RFC3: variants seen among roughly 807,000 people sequenced by gnomAD.
The protein encoded by RFC3 is A1 38 kDa subunit.
RFC3 carries 41 observed loss-of-function variants against 45.1 expected under a neutral mutation model. That is an observed-to-expected ratio of 0.91 (90% CI 0.71 to 1.18). The LOEUF (loss-of-function observed/expected upper bound fraction) is 1.18, where lower values mean the gene tolerates loss of function less well. Among genes scored for constraint, RFC3 ranks in the 50% most tolerant of loss-of-function variants. The probability of loss-of-function intolerance (pLI) is 0.00; values close to 1 mark genes in which losing one functional copy is unlikely to be tolerated. For synonymous variants in RFC3, 149 were observed against 144.0 expected, an observed-to-expected ratio of 1.03 and a Z score of -0.25; for missense variants, 423 against 428.1, an observed-to-expected ratio of 0.99 and a Z score of 0.10.
At chr13:33,908,038 G>T (rs531710974) in intron 8 of RFC3, among the ~76,000 whole-genome samples, 11 of 151,688 alleles carry the variant, frequency 7.3e-5, no homozygotes, top group African/African-American at 2.7e-4. Flanking sequence ...AGAATTCTAG[G>T]TAATAAAATT....
chr13:33,920,054 C>A (rs2082758257), intron 8 of RFC3, among the ~76,000 whole-genome samples: 1 of 152,142 alleles, frequency 6.6e-6, no homozygotes, highest in South Asian at 2.1e-4. Context: ...CCTAATCAAC[C>A]TTCCCTTCTG....
chr13:33,961,199 C>T (rs1192934918), intron 8 of RFC3, among the ~76,000 whole-genome samples: 1 of 152,074 alleles, frequency 6.6e-6, no homozygotes, highest in Non-Finnish European at 1.5e-5. Context: ...TCTCAAAGAC[C>T]CCTGCTTGCT....
intron 8 of RFC3, among the ~76,000 whole-genome samples, chr13:33,903,111 A>C (rs2082651591): frequency 6.6e-6 from 1 of 152,024 alleles, no homozygotes; most frequent in South Asian, 2.1e-4. Flanking sequence ...AAGGCTCCAC[A>C]CAATCCAACC....
intron 8 of RFC3, among the ~76,000 whole-genome samples, chr13:33,925,162 A>G (rs2082797511): frequency 6.9e-6 from 1 of 145,336 alleles, no homozygotes; most frequent in Admixed American, 6.9e-5. Flanking sequence ...ACATACACAT[A>G]TAGTGTACTA....
intron 8 of RFC3, among the ~76,000 whole-genome samples, chr13:33,880,141 G>T (rs1195101732): frequency 6.6e-6 from 1 of 152,172 alleles, no homozygotes; most frequent in African/African-American, 2.4e-5. Flanking sequence ...CCTATTTATA[G>T]GTTCTGAGGA....
chr13:33,826,853 A>G lies in RFC3; in HGVS notation c.391+967A>G, dbSNP rs1593610147. On this transcript the variant is annotated intron_variant, in intron 4 of 8. Transcript: ENST00000380071. ...CTCTAATTATGTTGGCCAACCCTCC[A>G]ATAGTGTGGTTAATAGTAATAGAGA... Among the ~76,000 whole-genome samples the G allele has an allele frequency of 9.9e-5, 15 of 152,098 alleles. 1 individual carries two copies. The South Asian group carries it at 2.5e-3, about 25-fold the overall frequency.
chr13:33,960,982 T>G (rs948625461), intron 8 of RFC3, among the ~76,000 whole-genome samples: 2 of 152,158 alleles, frequency 1.3e-5, no homozygotes, highest in Non-Finnish European at 2.9e-5. Context: ...CTTAGGGTGG[T>G]CCAGTGAAAT....
In RFC3 at chr13:33,818,189, G is replaced by C; in HGVS notation, c.11G>C (p.Trp4Ser). MSLWVDKYRPCSLG... is the reference protein window; with the variant it reads MSLSVDKYRPCSLG... The stretch of plus-strand genomic sequence containing the variant: ...GGAACTCGAGCTGCCATGAGCCTCT[G>C]GGTGGACAAGTATCGGCCCTGCTCC... Residue 4 changes from tryptophan to serine, a missense_variant, in exon 1 of 9, where the codon TGG becomes TCG. Physicochemically the swap from Trp to Ser is radical, Grantham distance 177. Transcript: ENST00000380071. The C allele has an allele frequency of 6.2e-7, 1 of 1,613,626 alleles. No homozygotes were observed.
At chr13:33,819,481 C>A (rs143303177) in intron 1 of RFC3, among the ~76,000 whole-genome samples, 1 of 151,966 alleles carries the variant, frequency 6.6e-6, no homozygotes, top group African/African-American at 2.4e-5. Context: ...TAATTAAGTG[C>A]GTCTTAAAAA....
downstream of RFC3, among the ~76,000 whole-genome samples, chr13:33,970,870 A>G (rs2083106864): frequency 6.6e-6 from 1 of 152,222 alleles, no homozygotes; most frequent in South Asian, 2.1e-4. Context: ...GAGACTGATC[A>G]GGTTCAGAGA....
intron 8 of RFC3, among the ~76,000 whole-genome samples, chr13:33,899,204 C>CAAAAAAAAAAAAAAAAAAAAAAAAA (rs59221382): frequency 2.1e-4 from 11 of 51,970 alleles, no homozygotes; most frequent in Non-Finnish European, 3.2e-4. Flanking sequence ...CACAATAAGA[C>CAAAAAAAAAAAAAAAAAAAAAAAAA]AAAAAAAAAA....
intron 8 of RFC3, among the ~76,000 whole-genome samples, chr13:33,934,726 G>A (rs2082875380): frequency 6.6e-6 from 1 of 152,092 alleles, no homozygotes; most frequent in East Asian, 1.9e-4. Context: ...GGTCTATCTG[G>A]TTTTTGTTTT....
At chr13:33,850,029 T>G (rs1311740391) in intron 8 of RFC3, 1 of 152,230 alleles carries the variant, frequency 6.6e-6, no homozygotes, top group Non-Finnish European at 1.5e-5. Context: ...GCTTACACAT[T>G]GTTTTCAATT....
intron 8 of RFC3, among the ~76,000 whole-genome samples, chr13:33,964,763 C>T (rs1217476461): frequency 6.6e-6 from 1 of 152,176 alleles, no homozygotes; most frequent in East Asian, 1.9e-4. Context: ...ATGTCCACTT[C>T]TCTAGAAACT....
intron 8 of RFC3, among the ~76,000 whole-genome samples, chr13:33,856,444 T>A (rs2082309434): frequency 6.6e-6 from 1 of 152,044 alleles, no homozygotes; most frequent in Non-Finnish European, 1.5e-5. Flanking sequence ...TGACACAAAT[T>A]TACCTATGTA....
chr13:33,921,076 A>G (rs2137733095), intron 8 of RFC3, among the ~76,000 whole-genome samples: 1 of 152,286 alleles, frequency 6.6e-6, no homozygotes, highest in South Asian at 2.1e-4. Context: ...AAACAAAACT[A>G]AAATTTGAAA....
the RFC3 span, among the ~76,000 whole-genome samples, chr13:33,973,848 A>C: frequency 6.6e-6 from 1 of 151,864 alleles, no homozygotes; most frequent in Admixed American, 6.6e-5. Context: ...ATGGGGTTTT[A>C]CCATGTTGGC....
At chr13:33,903,341 A>G (rs1041440280) in intron 8 of RFC3, among the ~76,000 whole-genome samples, 2 of 152,140 alleles carry the variant, frequency 1.3e-5, no homozygotes, top group African/African-American at 4.8e-5. Context: ...ACACTCCATT[A>G]TAAGTATTTC....
intron 8 of RFC3, among the ~76,000 whole-genome samples, chr13:33,844,592 A>G (rs2082224134): frequency 6.6e-6 from 1 of 152,200 alleles, no homozygotes; most frequent in African/African-American, 2.4e-5. Context: ...TGCAAATAAT[A>G]TAACTCATTA....
Sources: allele counts gnomAD v4.1 joint callset (sites outside exome capture counted in the v4.1 genomes callset), GRCh38; gene constraint gnomAD v4.1.1; transcripts MANE v1.5; gene names NCBI Gene and HGNC (gene_info 2026-07-23, HGNC 2026-07-21).